The following CPEB3 variants were observed in gnomAD, a reference collection of about 807,000 sequenced individuals.
CPEB3 encodes cytoplasmic polyadenylation element-binding protein 3.
Under a neutral mutation model 67.2 loss-of-function variants are expected in CPEB3, and 20 were observed. That is an observed-to-expected ratio of 0.30 (90% confidence interval 0.21 to 0.43). The LOEUF (loss-of-function observed/expected upper bound fraction) is 0.43, where lower values mean the gene tolerates loss of function less well. CPEB3 is among the 20% of genes least tolerant of loss of function. The probability of loss-of-function intolerance (pLI) is 1.00; values close to 1 mark genes in which losing one functional copy is unlikely to be tolerated. For synonymous variants in CPEB3, 376 were observed against 393.1 expected (o/e 0.96, Z 0.51); for missense variants, 746 against 968.6 (o/e 0.77, Z 3.05).
chr10:92,190,690 A>G (rs1221806679), intron 3 of CPEB3, among the ~76,000 whole-genome samples: 1 of 138,538 alleles, frequency 7.2e-6, no homozygotes, highest in African/African-American at 3.0e-5. Flanking sequence ...AAAAAAAAAA[A>G]AAAAAAAAAA....
At chr10:92,249,101 G>A (rs772348052) in intron 1 of CPEB3, among the ~76,000 whole-genome samples, 8 of 152,112 alleles carry the variant, frequency 5.3e-5, no homozygotes, top group Non-Finnish European at 8.8e-5. Flanking sequence ...ACATAAGGCC[G>A]GGCATGGTGG....
At chr10:92,137,724 T>A (rs1055210998) in intron 6 of CPEB3, 1 of 407,206 alleles carries the variant, frequency 2.5e-6, no homozygotes, top group Admixed American at 4.0e-5. Flanking sequence ...CTCGGCTGGG[T>A]GCAGTGGCTC....
intron 4 of CPEB3, among the ~76,000 whole-genome samples, chr10:92,176,745 C>G (rs944192302): frequency 1.3e-5 from 2 of 152,188 alleles, no homozygotes. Context: ...ATCATGGAGG[C>G]ACCAGTATCC....
intron 6 of CPEB3, among the ~76,000 whole-genome samples, chr10:92,117,148 C>T (rs11186833): frequency 0.26 from 39,069 of 150,918 alleles, 6,055 homozygotes; most frequent in Admixed American, 0.36. Flanking sequence ...CTCAGCCTCC[C>T]AAGTAGCTGG....
intron 2 of CPEB3, among the ~76,000 whole-genome samples, chr10:92,222,267 G>A (rs1008526692): frequency 6.0e-5 from 9 of 151,136 alleles, no homozygotes; most frequent in African/African-American, 2.2e-4. Flanking sequence ...GAACTACCGA[G>A]TTCAAGCAAT....
intron 6 of CPEB3, among the ~76,000 whole-genome samples, chr10:92,136,193 A>T (rs927337575): frequency 4.6e-5 from 7 of 152,224 alleles, no homozygotes; most frequent in African/African-American, 1.7e-4. Context: ...AAGACCTCAA[A>T]CTATGAAACT....
intron 4 of CPEB3, among the ~76,000 whole-genome samples, chr10:92,162,141 C>CT (rs910793361): frequency 2.0e-4 from 29 of 145,582 alleles, no homozygotes; most frequent in African/African-American, 2.5e-4. Context: ...AGATAGAATT[C>CT]TTTTTTTTTT....
chr10:92,245,967 G>A (rs981936898), intron 1 of CPEB3, among the ~76,000 whole-genome samples: 1 of 152,012 alleles, frequency 6.6e-6, no homozygotes, highest in African/African-American at 2.4e-5. Flanking sequence ...GAACCTGGGA[G>A]GTGGGGGTTG....
intron 1 of CPEB3, among the ~76,000 whole-genome samples, chr10:92,275,682 A>G (rs1841945360): frequency 6.6e-6 from 1 of 152,022 alleles, no homozygotes; most frequent in South Asian, 2.1e-4. Context: ...GTCAACTCCA[A>G]ATCTCCAACT....
chr10:92,085,436 G>T (rs1843330720), intron 8 of CPEB3, among the ~76,000 whole-genome samples: 1 of 152,066 alleles, frequency 6.6e-6, no homozygotes, highest in African/African-American at 2.4e-5. Context: ...CCACATGCTG[G>T]CTCTTGTGAT....
At chr10:92,238,933 C>A (rs1851672183) in intron 2 of CPEB3, among the ~76,000 whole-genome samples, 1 of 152,172 alleles carries the variant, frequency 6.6e-6, no homozygotes, top group Non-Finnish European at 1.5e-5. Context: ...TTGCAGGCGG[C>A]ACCCTGAGCT....
intron 7 of CPEB3, among the ~76,000 whole-genome samples, chr10:92,105,764 G>C (rs1227802591): frequency 7.3e-6 from 1 of 137,224 alleles, no homozygotes; most frequent in Non-Finnish European, 1.5e-5. Context: ...CTGTCTCCCA[G>C]GCTGGAGTGC....
At chr10:92,269,758 A>G (rs1853221386) in intron 1 of CPEB3, among the ~76,000 whole-genome samples, 1 of 151,982 alleles carries the variant, frequency 6.6e-6, no homozygotes, top group Non-Finnish European at 1.5e-5. Context: ...GGGTTTCATC[A>G]TGTTGGCCAG....
chr10:92,061,333 C>T lies in CPEB3; in HGVS notation c.1870-8894G>A, dbSNP rs575036556. 2.0e-5 allele frequency among the ~76,000 whole-genome samples: 3 copies of T among 149,984 alleles called. 1 individual carries two copies. The highest frequency in any genetic ancestry group is 7.4e-5 in the African/African-American group (3 of 40,574). ...ACTAGGGACACTGAGGCAGAAGAATCGCTTGAACCCGGGAGGTGGAGGTTG... is the reference window on the plus strand; with the variant it reads ...ACTAGGGACACTGAGGCAGAAGAATTGCTTGAACCCGGGAGGTGGAGGTTG... On this transcript the variant is annotated intron_variant, in intron 9 of 9. Transcript: ENST00000265997.
chr10:92,170,035 T>C (rs1847932152), intron 4 of CPEB3, among the ~76,000 whole-genome samples: 1 of 152,168 alleles, frequency 6.6e-6, no homozygotes, highest in Non-Finnish European at 1.5e-5. Context: ...TTCAACCTAC[T>C]CTTCCAGTAT....
At position 92,234,305 on chromosome 10, in the gene CPEB3, T is replaced by C. The variant is rs147749241; in HGVS notation, c.1005+5041A>G. 9.2e-5 allele frequency among the ~76,000 whole-genome samples: 14 copies of C among 152,266 alleles called. No individual in the cohort carries two copies. The East Asian group carries it at 1.5e-3, about 17-fold the overall frequency. ...TTTGATTTCATAATATTAAAAAATATGTAAAGTAAAATATGTAAAGTAAAA... is the reference window on the plus strand; with the variant it reads ...TTTGATTTCATAATATTAAAAAATACGTAAAGTAAAATATGTAAAGTAAAA... On this transcript the variant is annotated intron_variant, in intron 2 of 9. Transcript: ENST00000265997.
intron 5 of CPEB3, 35 bp downstream of exon 5, chr10:92,144,910 C>T (rs1846606569): frequency 6.2e-7 from 1 of 1,605,206 alleles, no homozygotes; most frequent in Admixed American, 1.7e-5. Context: ...ATAACAAACT[C>T]AGCCTTTGCA....
intron 9 of CPEB3, among the ~76,000 whole-genome samples, chr10:92,066,400 CAGAT>C (rs769404711): frequency 8.8e-4 from 133 of 151,910 alleles, no homozygotes; most frequent in African/African-American, 3.0e-3. Flanking sequence ...AATAGATAGA[CAGAT>C]AGATAGATAA....
chr10:92,139,289 T>TAAAAA (rs3048542), intron 6 of CPEB3, among the ~76,000 whole-genome samples: 3 of 71,166 alleles, frequency 4.2e-5, no homozygotes, highest in Admixed American at 3.4e-4. Flanking sequence ...CACACACACA[T>TAAAAA]AAAAAAAAAA....
Sources: allele counts gnomAD v4.1 joint callset (sites outside exome capture counted in the v4.1 genomes callset), GRCh38; gene constraint gnomAD v4.1.1; transcripts MANE v1.5; gene names NCBI Gene and HGNC (gene_info 2026-07-23, HGNC 2026-07-21).